The following CLNK variants were observed in gnomAD, a reference collection of about 807,000 sequenced individuals.
The protein encoded by CLNK is cytokine-dependent hematopoietic cell linker.
A neutral mutation model predicts 68.6 loss-of-function variants in CLNK; 74 were observed. The observed-to-expected ratio is 1.08, with a 90% CI of 0.89 to 1.31. CLNK has a LOEUF of 1.31. Ranked by LOEUF, CLNK falls within the 50% of genes most tolerant of loss-of-function variation. CLNK has a pLI of 0.00. For synonymous variants in CLNK, 198 were observed against 172.2 expected (o/e 1.15, Z -1.17); for missense variants, 553 against 515.3 (o/e 1.07, Z -0.71).
At chr4:10,580,996 G>T (rs1425026399) in intron 4 of CLNK, among the ~76,000 whole-genome samples, 3 of 152,126 alleles carry the variant, frequency 2.0e-5, no homozygotes, top group Admixed American at 2.0e-4. Context: ...TCCCTTTATG[G>T]TAAGTGTCCT....
intron 2 of CLNK, among the ~76,000 whole-genome samples, chr4:10,626,455 G>A (rs999829864): frequency 3.3e-5 from 5 of 152,106 alleles, no homozygotes; most frequent in Non-Finnish European, 7.3e-5. Flanking sequence ...ACTGGAGAAA[G>A]TCAGCTTCTC....
At chr4:10,540,343 C>T (rs1299774756) in intron 11 of CLNK, 151 bp downstream of exon 11, 12 of 576,650 alleles carry the variant, frequency 2.1e-5, no homozygotes, top group Admixed American at 1.8e-4. Flanking sequence ...TTATAAATTA[C>T]CCAGTCTTGG....
chr4:10,714,132 C>G, the CLNK span, among the ~76,000 whole-genome samples: 3 of 152,176 alleles, frequency 2.0e-5, no homozygotes, highest in Admixed American at 2.0e-4. Context: ...AACCAGAGCC[C>G]CCTTCCCAGG....
chr4:10,656,503 A>C (rs1167052665), intron 2 of CLNK: 3 of 152,174 alleles, frequency 2.0e-5, no homozygotes, highest in Non-Finnish European at 2.9e-5. Flanking sequence ...GATTAAAATC[A>C]CCCACTGGTT....
the CLNK span, among the ~76,000 whole-genome samples, chr4:10,715,456 G>A: frequency 6.6e-6 from 1 of 152,114 alleles, no homozygotes; most frequent in African/African-American, 2.4e-5. Flanking sequence ...ATGGATAATA[G>A]TCTTTGCCAC....
chr4:10,657,881 A>G (rs1287915280), intron 2 of CLNK, among the ~76,000 whole-genome samples: 1 of 152,252 alleles, frequency 6.6e-6, no homozygotes, highest in Non-Finnish European at 1.5e-5. Context: ...TAGTCAAATT[A>G]TCTTTCCAAT....
At chr4:10,639,401 A>T (rs957156567) in intron 2 of CLNK, among the ~76,000 whole-genome samples, 1 of 152,188 alleles carries the variant, frequency 6.6e-6, no homozygotes. Flanking sequence ...TAGGGCTTGC[A>T]TATGTCCTGC....
intron 16 of CLNK, among the ~76,000 whole-genome samples, chr4:10,508,984 AT>A (rs1466928164): frequency 6.6e-6 from 1 of 151,756 alleles, no homozygotes; most frequent in East Asian, 1.9e-4. Flanking sequence ...ACGTGTGCCT[AT>A]AGTCCTAGCT....
intron 1 of CLNK, among the ~76,000 whole-genome samples, chr4:10,674,226 G>A (rs1232099254): frequency 6.7e-6 from 1 of 149,736 alleles, no homozygotes. Context: ...AAGGAGACGT[G>A]TTGGGTGGAG....
At chr4:10,727,276 A>G in the CLNK span, among the ~76,000 whole-genome samples, 2 of 152,206 alleles carry the variant, frequency 1.3e-5, no homozygotes, top group Non-Finnish European at 2.9e-5. Context: ...AGGAGGTTAA[A>G]CAAGCACAGT....
At chr4:10,614,303 G>GA (rs1722143332) in intron 2 of CLNK, among the ~76,000 whole-genome samples, 1 of 152,166 alleles carries the variant, frequency 6.6e-6, no homozygotes, top group South Asian at 2.1e-4. Flanking sequence ...TCATTACAGA[G>GA]ATGCCAGGTG....
At chr4:10,682,617 G>A (rs530393274) in intron 1 of CLNK, among the ~76,000 whole-genome samples, 2 of 152,142 alleles carry the variant, frequency 1.3e-5, no homozygotes, top group Non-Finnish European at 2.9e-5. Flanking sequence ...GATCAGAGAG[G>A]TTAAGCTACT....
At chr4:10,722,087 T>C in the CLNK span, among the ~76,000 whole-genome samples, 66,089 of 151,940 alleles carry the variant, frequency 0.43, 15,166 homozygotes, top group East Asian at 0.58. Flanking sequence ...AGTGGGAGGA[T>C]TGTTTGAGTC....
At chr4:10,699,423 A>G in the CLNK span, among the ~76,000 whole-genome samples, 8 of 142,346 alleles carry the variant, frequency 5.6e-5, no homozygotes, top group Non-Finnish European at 1.1e-4. Flanking sequence ...TCCCTTACAT[A>G]AAATGACATT....
At chr4:10,698,230 C>T in the CLNK span, among the ~76,000 whole-genome samples, 2 of 151,978 alleles carry the variant, frequency 1.3e-5, no homozygotes, top group African/African-American at 4.8e-5. Context: ...CACTAGATAA[C>T]ATTAAAGACA....
At chr4:10,598,356 G>A (rs1721463477) in intron 2 of CLNK, among the ~76,000 whole-genome samples, 1 of 152,180 alleles carries the variant, frequency 6.6e-6, no homozygotes, top group Non-Finnish European at 1.5e-5. Context: ...GGTGACCTTG[G>A]TACCGTCCTT....
intron 2 of CLNK, among the ~76,000 whole-genome samples, chr4:10,655,580 A>G (rs957424664): frequency 2.6e-5 from 4 of 151,924 alleles, no homozygotes; most frequent in Non-Finnish European, 5.9e-5. Flanking sequence ...TCTACCTAAT[A>G]AAACTTGGTT....
intron 2 of CLNK, among the ~76,000 whole-genome samples, chr4:10,606,430 C>CT (rs1000727310): frequency 1.7e-3 from 241 of 145,818 alleles, no homozygotes; most frequent in Non-Finnish European, 2.0e-3. Context: ...TTACAGTTAA[C>CT]TTTTTTTTTT....
intron 2 of CLNK, among the ~76,000 whole-genome samples, chr4:10,611,848 A>T (rs1356469762): frequency 3.3e-5 from 5 of 152,084 alleles, no homozygotes; most frequent in Non-Finnish European, 5.9e-5. Context: ...CTCATTGTAA[A>T]ATCTGGCATT....
Sources: gnomAD v4.1 joint callset for allele counts (sites outside exome capture counted in the v4.1 genomes callset) on GRCh38, gnomAD v4.1.1 for gene constraint, MANE v1.5 for transcripts, NCBI Gene and HGNC (gene_info 2026-07-23, HGNC 2026-07-21) for gene names.